GRIK1: variants seen among roughly 807,000 people sequenced by gnomAD.
GRIK1 encodes the protein glutamate ionotropic receptor kainate type subunit 1, also known as glutamate receptor ionotropic, kainate 1.
GRIK1 carries 69 observed loss-of-function variants against 105.7 expected under a neutral mutation model. That is an observed-to-expected ratio of 0.65 (90% confidence interval 0.54 to 0.80). The LOEUF is 0.80. Ranked by LOEUF, GRIK1 falls within the 30% of genes least tolerant of loss-of-function variation. The pLI, the probability that GRIK1 is intolerant of heterozygous loss-of-function variation, is 0.00. For synonymous variants in GRIK1, 438 were observed against 431.3 expected (o/e 1.02, Z -0.19); for missense variants, 1,109 against 1,167.3 (o/e 0.95, Z 0.73).
intron 1 of GRIK1, among the ~76,000 whole-genome samples, chr21:29,855,148 T>C (rs980220545): frequency 8.5e-5 from 13 of 152,182 alleles, no homozygotes; most frequent in African/African-American, 3.1e-4. Context: ...CTAGTATGTA[T>C]TGGAACCCTG....
chr21:29,815,280 T>G (rs1485726816), intron 1 of GRIK1, among the ~76,000 whole-genome samples: 1 of 152,160 alleles, frequency 6.6e-6, no homozygotes, highest in Non-Finnish European at 1.5e-5. Flanking sequence ...TGCATGACTT[T>G]AGGGAAGTCA....
chr21:29,731,946 A>G (rs2064636930), intron 1 of GRIK1, among the ~76,000 whole-genome samples: 1 of 152,162 alleles, frequency 6.6e-6, no homozygotes, highest in Non-Finnish European at 1.5e-5. Flanking sequence ...TGTTACTCAT[A>G]TAGGAGCTCT....
chr21:29,867,622 C>A (rs1465178417), intron 1 of GRIK1, among the ~76,000 whole-genome samples: 1 of 151,962 alleles, frequency 6.6e-6, no homozygotes, highest in Non-Finnish European at 1.5e-5. Flanking sequence ...TGGAGAAACC[C>A]CATCTCTACT....
rs3054331 is a variant in GRIK1, at chr21:29,656,354, C to CAAAAAAAAAAAAAAA, written c.727-1506_727-1492dup. Among the ~76,000 whole-genome samples, 98 of 51,144 alleles carry CAAAAAAAAAAAAAAA rather than the reference C, an allele frequency of 1.9e-3. 8 individuals are homozygous for CAAAAAAAAAAAAAAA. The highest frequency in any genetic ancestry group is 2.5e-3 in the Non-Finnish European group (54 of 21,620). 33.6% of individuals were successfully genotyped at this position (51,144 alleles called of 152,430 possible). ...CCAGCCTGGGGGCCAGAGCGAGACT[C>CAAAAAAAAAAAAAAA]AAAAAAAAAAAAAAAAAAAAAAAAA... On this transcript the variant is annotated intron_variant, in intron 4 of 17. Transcript: ENST00000327783.
At chr21:29,799,846 C>T (rs796417830) in intron 1 of GRIK1, among the ~76,000 whole-genome samples, 7 of 152,236 alleles carry the variant, frequency 4.6e-5, no homozygotes, top group African/African-American at 1.7e-4. Flanking sequence ...TTTTTTTAAA[C>T]AGACAACATT....
At chr21:29,696,993 GT>G (rs1182969750) in intron 1 of GRIK1, among the ~76,000 whole-genome samples, 3 of 152,176 alleles carry the variant, frequency 2.0e-5, no homozygotes, top group East Asian at 1.9e-4. Context: ...AGGCAGGAGG[GT>G]TTTTTTCCAT....
chr21:29,939,526 A>G lies in GRIK1; in HGVS notation c.-26T>C. On this transcript the variant is annotated 5_prime_UTR_variant, in exon 1 of 18. Coordinates refer to ENST00000327783, the MANE Select transcript of GRIK1 (RefSeq NM_001330994.2). The stretch of plus-strand genomic sequence containing the variant: ...CTTCCTAGCTTCTTAATTCATGCCG[A>G]GATACAGCCGCTGCCGGACGCCCGA... 6.9e-7 allele frequency: 1 copy of G among 1,443,562 alleles called. No homozygotes were observed. Among genetic ancestry groups the G allele is most frequent in the Non-Finnish European group, 9.4e-7 (1 of 1,058,848 alleles). The allele number at this position is 1,443,562 out of a possible 1,614,324, so 89.4% of individuals were successfully genotyped here. A position where few individuals can be genotyped will look rare whatever the true frequency, so the allele number is the denominator to read the frequency against.
chr21:29,734,345 A>ACTTTTCTTTTCTTTTCTTTT (rs541782706), intron 1 of GRIK1, among the ~76,000 whole-genome samples: 56 of 135,258 alleles, frequency 4.1e-4, no homozygotes, highest in African/African-American at 1.6e-3. Context: ...GGATCATAGC[A>ACTTTTCTTTTCTTTTCTTTT]CTTTTCTTTT....
At chr21:29,725,692 CT>C (rs1304577208) in intron 1 of GRIK1, among the ~76,000 whole-genome samples, 4 of 152,152 alleles carry the variant, frequency 2.6e-5, no homozygotes, top group Non-Finnish European at 5.9e-5. Context: ...ACTGTAATAG[CT>C]TATAATTATG....
At chr21:29,885,217 T>G (rs562970824) in intron 1 of GRIK1, among the ~76,000 whole-genome samples, 1 of 152,192 alleles carries the variant, frequency 6.6e-6, no homozygotes, top group South Asian at 2.1e-4. Flanking sequence ...AATGTTCATA[T>G]GTATGTCAGA....
At position 29,623,268 on chromosome 21, in the gene GRIK1, T is replaced by C. The variant is rs563794161; in HGVS notation, c.1098+19558A>G. Among the ~76,000 whole-genome samples, 6 of 152,240 alleles carry C rather than the reference T, an allele frequency of 3.9e-5. No homozygotes were observed. The South Asian group carries it at 1.2e-3, about 32-fold the overall frequency. On this transcript the variant is annotated intron_variant, in intron 7 of 17. Coordinates refer to ENST00000327783, the MANE Select transcript of GRIK1 (RefSeq NM_001330994.2). ...ATGAGATCTCATGAGACTTATTCAC[T>C]ATCACAAGAACAGCATGGGAAAGAC...
intron 1 of GRIK1, among the ~76,000 whole-genome samples, chr21:29,755,881 G>A (rs1601610352): frequency 6.6e-6 from 1 of 152,092 alleles, no homozygotes; most frequent in Non-Finnish European, 1.5e-5. Flanking sequence ...AAAAAGGTTC[G>A]GATAACATTT....
intron 1 of GRIK1, among the ~76,000 whole-genome samples, chr21:29,725,007 TAA>T (rs76948130): frequency 0.083 from 9,319 of 112,002 alleles, 736 homozygotes; most frequent in African/African-American, 0.21. Flanking sequence ...CTTTGCCACC[TAA>T]AAAAAAAAAA....
At chr21:29,938,965 CA>C (rs2146389361) in intron 1 of GRIK1, among the ~76,000 whole-genome samples, 1 of 152,276 alleles carries the variant, frequency 6.6e-6, no homozygotes, top group East Asian at 1.9e-4. Flanking sequence ...TGCCAGTGCC[CA>C]GAGCCCAGGT....
chr21:29,636,425 A>C (rs977777476), intron 7 of GRIK1, among the ~76,000 whole-genome samples: 1 of 152,216 alleles, frequency 6.6e-6, no homozygotes, highest in Non-Finnish European at 1.5e-5. Context: ...CTGTTTCAGT[A>C]GTTGTGTTTG....
At chr21:29,724,773 G>A (rs747480343) in intron 1 of GRIK1, among the ~76,000 whole-genome samples, 17 of 152,122 alleles carry the variant, frequency 1.1e-4, no homozygotes, top group Admixed American at 1.3e-4. Context: ...TGAATTAAGG[G>A]GCTACAGGAG....
At chr21:29,871,061 G>C (rs1358398111) in intron 1 of GRIK1, among the ~76,000 whole-genome samples, 1 of 152,106 alleles carries the variant, frequency 6.6e-6, no homozygotes, top group African/African-American at 2.4e-5. Flanking sequence ...CTGTCCTTCA[G>C]GGCTGGGCAG....
chr21:29,695,031 T>C (rs2063667644), intron 1 of GRIK1, among the ~76,000 whole-genome samples: 1 of 152,190 alleles, frequency 6.6e-6, no homozygotes, highest in South Asian at 2.1e-4. Flanking sequence ...AAAGCAAACC[T>C]GCATCAGGTA....
chr21:29,623,615 A>G (rs1400617205), intron 7 of GRIK1, among the ~76,000 whole-genome samples: 1 of 152,202 alleles, frequency 6.6e-6, no homozygotes. Context: ...CAATGTATAA[A>G]TCCAGCTTAA....
Sources: gnomAD v4.1 joint callset for allele counts (sites outside exome capture counted in the v4.1 genomes callset) on GRCh38, gnomAD v4.1.1 for gene constraint, MANE v1.5 for transcripts, NCBI Gene and HGNC (gene_info 2026-07-23, HGNC 2026-07-21) for gene names.